Variants in PTPRO observed in about 807,000 individuals in gnomAD.
The protein encoded by PTPRO is receptor-type tyrosine-protein phosphatase O.
In PTPRO, 62 loss-of-function variants were observed where a neutral mutation model predicts 145.2. The observed-to-expected ratio is 0.43, with a 90% CI of 0.35 to 0.53. PTPRO has a LOEUF of 0.53. PTPRO is among the 20% of genes least tolerant of loss of function. The pLI, the probability that PTPRO is intolerant of heterozygous loss-of-function variation, is 0.01. For missense variants in PTPRO, 1,345 were observed against 1,482.7 expected (o/e 0.91, Z 1.53); for synonymous variants, 565 against 514.7 (o/e 1.10, Z -1.32).
intron 1 of PTPRO, among the ~76,000 whole-genome samples, chr12:15,397,041 C>A (rs546058042): frequency 6.6e-6 from 1 of 152,032 alleles, no homozygotes; most frequent in South Asian, 2.1e-4. Flanking sequence ...TCTTATAATG[C>A]GCCACTAAAT....
chr12:15,393,627 GA>G (rs1413955876), intron 1 of PTPRO, among the ~76,000 whole-genome samples: 1 of 142,140 alleles, frequency 7.0e-6, no homozygotes, highest in Non-Finnish European at 1.5e-5. Flanking sequence ...AGTACACTAG[GA>G]TTTTTTTTTT....
intron 12 of PTPRO, among the ~76,000 whole-genome samples, chr12:15,545,281 C>T (rs1219284957): frequency 6.6e-6 from 1 of 151,572 alleles, no homozygotes; most frequent in Non-Finnish European, 1.5e-5. Context: ...AGTGGGTAGT[C>T]GTCTGACAGG....
At chr12:15,460,837 G>A (rs999533072) in intron 1 of PTPRO, among the ~76,000 whole-genome samples, 10 of 152,078 alleles carry the variant, frequency 6.6e-5, no homozygotes, top group African/African-American at 1.9e-4. Flanking sequence ...TAAGAAGTTG[G>A]CATAACCTGT....
At chr12:15,408,399 CAAGGG>C (rs1939704201) in intron 1 of PTPRO, among the ~76,000 whole-genome samples, 2 of 152,018 alleles carry the variant, frequency 1.3e-5, no homozygotes, top group Admixed American at 1.3e-4. Flanking sequence ...TTTTTAACCT[CAAGGG>C]AAGTCAAAGT....
At chr12:15,512,812 A>C (rs141370185) in intron 7 of PTPRO, among the ~76,000 whole-genome samples, 2 of 151,938 alleles carry the variant, frequency 1.3e-5, no homozygotes, top group Non-Finnish European at 2.9e-5. Context: ...TGACCAACAT[A>C]ATGAAACCCT....
In PTPRO at chr12:15,399,636, T is replaced by C. The variant is rs536776858; in HGVS notation, c.75+76835T>C. 3.0e-4 allele frequency among the ~76,000 whole-genome samples: 46 copies of C among 152,332 alleles called. No homozygotes were observed. The South Asian group carries it at 9.3e-3, about 31-fold the overall frequency. On this transcript the variant is annotated intron_variant, in intron 1 of 26. Coordinates refer to ENST00000281171, the MANE Select transcript of PTPRO (RefSeq NM_030667.3). ...ATAATTTTGTTTCATGTATAAAGAT[T>C]ATCACTTATTTTTCATATCTTGTGT...
chr12:15,505,704 C>T lies in PTPRO; in HGVS notation c.1267+1635C>T, dbSNP rs146317728. Among the ~76,000 whole-genome samples, 3 of 152,244 alleles carry T rather than the reference C, an allele frequency of 2.0e-5. No homozygotes were observed. The East Asian group carries it at 5.8e-4, about 29-fold the overall frequency. On this transcript the variant is annotated intron_variant, in intron 6 of 26. Coordinates refer to ENST00000281171, the MANE Select transcript of PTPRO (RefSeq NM_030667.3). ...ACTTACACCTAACTGGGTAAATGAGCAAAAATTAGGGTGGCTTACGTTTGC... is the reference window on the plus strand; with the variant it reads ...ACTTACACCTAACTGGGTAAATGAGTAAAAATTAGGGTGGCTTACGTTTGC...
intron 15 of PTPRO, among the ~76,000 whole-genome samples, chr12:15,554,153 C>A (rs1247264992): frequency 1.3e-5 from 2 of 152,024 alleles, no homozygotes; most frequent in Non-Finnish European, 2.9e-5. Context: ...CCAGCCTGGG[C>A]AACAAGAGTG....
In PTPRO at chr12:15,546,225, T is replaced by C. The variant is rs1203114656; in HGVS notation, c.2165-344T>C. The C allele has an allele frequency of 4.4e-6, 3 of 677,748 alleles. No individual in the cohort carries two copies. In the Admixed American group the frequency reaches 1.6e-4, roughly 36 times the overall value. The allele number at this position is 677,748 out of a possible 1,614,324, so 42.0% of individuals were successfully genotyped here. A position where few individuals can be genotyped will look rare whatever the true frequency, so the allele number is the denominator to read the frequency against. ...TCCACCTTTATTAAGTGCAGATTTT[T>C]GTTTCTCATCCAGGAAGTTCTGTAT... On this transcript the variant is annotated intron_variant, in intron 12 of 26. Coordinates refer to ENST00000281171, the MANE Select transcript of PTPRO (RefSeq NM_030667.3).
chr12:15,575,476 C>T (rs1313714002), intron 19 of PTPRO, among the ~76,000 whole-genome samples: 3 of 152,180 alleles, frequency 2.0e-5, no homozygotes, highest in African/African-American at 7.2e-5. Context: ...TCTTGGACTT[C>T]CCAGCCTCCA....
chr12:15,340,489 C>T (rs1169870301), intron 1 of PTPRO, among the ~76,000 whole-genome samples: 2 of 152,036 alleles, frequency 1.3e-5, no homozygotes, highest in African/African-American at 2.4e-5. Flanking sequence ...TTTTTCTGTC[C>T]GTCAATCTGT....
intron 1 of PTPRO, among the ~76,000 whole-genome samples, chr12:15,380,464 C>T (rs1253722026): frequency 6.6e-6 from 1 of 152,074 alleles, no homozygotes; most frequent in Non-Finnish European, 1.5e-5. Flanking sequence ...GTCAGATGAA[C>T]AAGCACAATG....
At chr12:15,480,417 T>C (rs1941753888) in intron 1 of PTPRO, among the ~76,000 whole-genome samples, 1 of 152,196 alleles carries the variant, frequency 6.6e-6, no homozygotes, top group South Asian at 2.1e-4. Context: ...GAAATTCACT[T>C]GGTTGGATGG....
chr12:15,465,649 T>C (rs1355084985), intron 1 of PTPRO, among the ~76,000 whole-genome samples: 1 of 152,188 alleles, frequency 6.6e-6, no homozygotes, highest in African/African-American at 2.4e-5. Flanking sequence ...AAAGTGGCAC[T>C]TGAATAGTGT....
chr12:15,483,697 A>G lies in PTPRO; in HGVS notation c.76-277A>G, dbSNP rs253847. ...ACAGGATGTTTATTTTGTTTATTAC[A>G]TGACACTGTCCACAAACTGGAAGCA... On this transcript the variant is annotated intron_variant, in intron 1 of 26. Transcript: ENST00000281171. Among the ~76,000 whole-genome samples the G allele has an allele frequency of 1.9e-3, 283 of 152,220 alleles. 1 individual carries two copies. The highest frequency in any genetic ancestry group is 6.5e-3 in the African/African-American group (270 of 41,562).
intron 7 of PTPRO, among the ~76,000 whole-genome samples, chr12:15,512,458 G>A (rs7313451): frequency 0.68 from 102,654 of 151,970 alleles, 35,233 homozygotes; most frequent in Admixed American, 0.74. Flanking sequence ...GTTTAATAGC[G>A]TATTATTTAT....
intron 1 of PTPRO, among the ~76,000 whole-genome samples, chr12:15,438,062 T>A (rs1940649891): frequency 6.6e-6 from 1 of 152,084 alleles, no homozygotes; most frequent in South Asian, 2.1e-4. Flanking sequence ...CACAGCCCAA[T>A]ATAAAACCTG....
chr12:15,337,023 C>T (rs374461033), intron 1 of PTPRO, among the ~76,000 whole-genome samples: 1 of 152,180 alleles, frequency 6.6e-6, no homozygotes, highest in Admixed American at 6.5e-5. Flanking sequence ...TGTTTTCAAA[C>T]TGGCAATGGC....
At chr12:15,344,529 G>A (rs898956259) in intron 1 of PTPRO, among the ~76,000 whole-genome samples, 2 of 151,896 alleles carry the variant, frequency 1.3e-5, no homozygotes, top group African/African-American at 4.8e-5. Context: ...AAGCAGATGT[G>A]GTATACATTA....
Sources: gnomAD v4.1 joint callset for allele counts (sites outside exome capture counted in the v4.1 genomes callset) on GRCh38, gnomAD v4.1.1 for gene constraint, MANE v1.5 for transcripts, NCBI Gene and HGNC (gene_info 2026-07-23, HGNC 2026-07-21) for gene names.